The following DYNC2LI1 variants were observed in gnomAD, a reference collection of about 807,000 sequenced individuals.
DYNC2LI1 encodes cytoplasmic dynein 2 light intermediate chain 1.
Under a neutral mutation model 51.9 loss-of-function variants are expected in DYNC2LI1, and 45 were observed. The observed-to-expected ratio is 0.87, with a 90% CI of 0.68 to 1.11. The LOEUF (loss-of-function observed/expected upper bound fraction) is 1.11. Among genes scored for constraint, DYNC2LI1 ranks in the 50% most tolerant of loss-of-function variants. DYNC2LI1 has a pLI of 0.00. For synonymous variants in DYNC2LI1, 130 were observed against 137.8 expected (o/e 0.94, Z 0.40); for missense variants, 490 against 417.4 (o/e 1.17, Z -1.51).
At chr2:43,820,210 T>C in the DYNC2LI1 span, 1 of 1,330,770 alleles carries the variant, frequency 7.5e-7, no homozygotes, top group Non-Finnish European at 1.1e-6. Context: ...GGGAGAAGTT[T>C]GCAGGGCAAG....
chr2:43,782,030 T>C (rs1017183662), intron 2 of DYNC2LI1, among the ~76,000 whole-genome samples: 3 of 152,114 alleles, frequency 2.0e-5, no homozygotes, highest in African/African-American at 7.2e-5. Flanking sequence ...TGTGTGTGTG[T>C]GTGTGTACTT....
Position 43,805,154 on chromosome 2 carries a change from A to G in DYNC2LI1, c.901A>G (p.Ser301Gly), listed in dbSNP as rs768236630. ...KVYEKLFPPK[S>G]INTLKDIKDP... ...GTGATTTTGAGATTTGTAATTTCAGAGTATTAACACGCTGAAAGATATCAA... is the reference window on the plus strand; with the variant it reads ...GTGATTTTGAGATTTGTAATTTCAGGGTATTAACACGCTGAAAGATATCAA... Residue 301 changes from serine (S) to glycine (G), a missense_variant and splice_region_variant, in exon 12 of 13, where the codon AGT (serine) becomes GGT (glycine). By Grantham distance (56) the Ser-to-Gly change is moderately conservative. Transcript: ENST00000260605. 1.9e-6 allele frequency: 3 copies of G among 1,591,784 alleles called. No homozygotes were observed. In the South Asian group the frequency reaches 3.4e-5, roughly 18 times the overall value.
intron 12 of DYNC2LI1, among the ~76,000 whole-genome samples, chr2:43,806,297 C>G (rs542356143): frequency 3.3e-5 from 5 of 152,264 alleles, no homozygotes; most frequent in Admixed American, 2.0e-4. Flanking sequence ...AGCACTAGAT[C>G]GAAAGCCCCA....
At chr2:43,776,279 C>T (rs1306160756) in intron 1 of DYNC2LI1, among the ~76,000 whole-genome samples, 1 of 152,162 alleles carries the variant, frequency 6.6e-6, no homozygotes, top group Non-Finnish European at 1.5e-5. Context: ...CCTCCTGCCT[C>T]AGCCTCCCAT....
At position 43,801,712 on chromosome 2, in the gene DYNC2LI1, T is replaced by A; in HGVS notation, c.802+3T>A. On this transcript the variant is annotated splice_donor_region_variant and intron_variant, in intron 10 of 12. Coordinates refer to ENST00000260605, the MANE Select transcript of DYNC2LI1 (RefSeq NM_016008.4). ...ATTGGATTCTTTCGGTCAAATAGGTTAGTGAACTTATTAAGATTGTTCAAT... is the reference window on the plus strand; with the variant it reads ...ATTGGATTCTTTCGGTCAAATAGGTAAGTGAACTTATTAAGATTGTTCAAT... The A allele has an allele frequency of 6.2e-7, 1 of 1,604,584 alleles. No individual in the cohort carries two copies.
At chr2:43,796,886 C>T in intron 8 of DYNC2LI1, 91 bp downstream of exon 8, 1 of 999,708 alleles carries the variant, frequency 1.0e-6, no homozygotes, top group South Asian at 1.3e-5. Context: ...GGAATAAATG[C>T]TTTTGCTAAT....
chr2:43,794,350 TC>T, intron 5 of DYNC2LI1, 106 bp from the exon 6 acceptor site: 7 of 1,204,230 alleles, frequency 5.8e-6, no homozygotes, highest in Non-Finnish European at 7.9e-6. Context: ...GGTTTTTTTT[TC>T]CCCTTAAGGT....
chr2:43,785,959 CTATTT>C (rs1432795667), intron 3 of DYNC2LI1, among the ~76,000 whole-genome samples: 2 of 151,888 alleles, frequency 1.3e-5, no homozygotes, highest in Non-Finnish European at 2.9e-5. Context: ...AAGATAAATT[CTATTT>C]TATGTGTTCT....
At chr2:43,806,319 G>C (rs1666254124) in intron 12 of DYNC2LI1, among the ~76,000 whole-genome samples, 1 of 152,204 alleles carries the variant, frequency 6.6e-6, no homozygotes, top group African/African-American at 2.4e-5. Flanking sequence ...CAACTTCTCA[G>C]GTGGCAGTCA....
intron 12 of DYNC2LI1, among the ~76,000 whole-genome samples, chr2:43,806,083 C>T (rs549501330): frequency 6.6e-6 from 1 of 152,100 alleles, no homozygotes; most frequent in Admixed American, 6.5e-5. Flanking sequence ...GGGGTTTCAC[C>T]ATCTTGGCCA....
downstream of DYNC2LI1, chr2:43,813,046 C>G: frequency 1.3e-6 from 1 of 762,742 alleles, no homozygotes; most frequent in South Asian, 1.4e-5. Flanking sequence ...ATGGCACTCT[C>G]ATTTCAGACG....
intron 5 of DYNC2LI1, 123 bp from the exon 6 acceptor site, chr2:43,794,334 T>C: frequency 4.6e-6 from 5 of 1,084,762 alleles, no homozygotes; most frequent in Non-Finnish European, 5.1e-6. Context: ...CTTAGAATAA[T>C]GCTACGGTTT....
At position 43,804,648 on chromosome 2, in the gene DYNC2LI1, C is replaced by T. The variant is rs1267835357; in HGVS notation, c.809C>T (p.Pro270Leu). ...GLDSFGQIGS[P>L]PVPENDIGKL... is the part of the protein sequence containing the mutation. ...GTAAAACTTGCTATTTTAGGATCTC[C>T]TCCTGTTCCTGAAAATGACATTGGA... Residue 270 changes from proline to leucine, a missense_variant, in exon 11 of 13, where the codon CCT becomes CTT. Pro to Leu is a moderately conservative substitution (Grantham distance 98). Coordinates refer to ENST00000260605, the MANE Select transcript of DYNC2LI1 (RefSeq NM_016008.4). The T allele has an allele frequency of 6.3e-7, 1 of 1,599,640 alleles. No individual in the cohort carries two copies.
intron 12 of DYNC2LI1, among the ~76,000 whole-genome samples, chr2:43,807,513 C>A (rs1666306706): frequency 6.6e-6 from 1 of 151,878 alleles, no homozygotes. Context: ...GATCATGGCT[C>A]ACTGCAACCT....
chr2:43,799,006 A>G (rs1157941017), intron 8 of DYNC2LI1, among the ~76,000 whole-genome samples: 4 of 152,150 alleles, frequency 2.6e-5, no homozygotes, highest in East Asian at 1.9e-4. Flanking sequence ...TTAAGTTAAT[A>G]AAAACAAAAC....
rs1254063724 is a variant in DYNC2LI1, at chr2:43,774,049, A to G, written c.-90A>G. 2.1e-5 allele frequency: 32 copies of G among 1,554,298 alleles called. No homozygotes were observed. Among genetic ancestry groups the G allele is most frequent in the Middle Eastern group, 3.4e-4 (2 of 5,922 alleles). ...CTCCCATGGCAACCCAGAAGGCCTC[A>G]CTCCCAGACTCCTTGCGGAGCTCGC... On this transcript the variant is annotated 5_prime_UTR_variant, in exon 1 of 13. Coordinates refer to ENST00000260605, the MANE Select transcript of DYNC2LI1 (RefSeq NM_016008.4).
chr2:43,795,841 C>G, intron 6 of DYNC2LI1, 49 bp from the exon 7 acceptor site: 2 of 1,427,530 alleles, frequency 1.4e-6, no homozygotes, highest in Non-Finnish European at 2.0e-6. Context: ...TTGCTAAGCA[C>G]CTAGCAATAA....
At chr2:43,822,750 A>C in the DYNC2LI1 span, 1 of 1,612,844 alleles carries the variant, frequency 6.2e-7, no homozygotes, top group Non-Finnish European at 8.5e-7. Flanking sequence ...CACTAGCTCC[A>C]TGACTCCATG....
At chr2:43,812,100 G>A (rs1252154109), downstream of DYNC2LI1, among the ~76,000 whole-genome samples, 1 of 151,934 alleles carries the variant, frequency 6.6e-6, no homozygotes, top group Non-Finnish European at 1.5e-5. Context: ...GCCCAGGCTG[G>A]AGTGCAGTGG....
Sources: gnomAD v4.1 joint callset for allele counts (sites outside exome capture counted in the v4.1 genomes callset) on GRCh38, gnomAD v4.1.1 for gene constraint, MANE v1.5 for transcripts, NCBI Gene and HGNC (gene_info 2026-07-23, HGNC 2026-07-21) for gene names.